XIRP2: variants seen among roughly 807,000 people sequenced by gnomAD.
XIRP2 encodes the protein xin actin binding repeat containing 2, also known as xin actin-binding repeat-containing protein 2.
XIRP2 carries 236 observed loss-of-function variants against 277.0 expected under a neutral mutation model. The observed-to-expected ratio is 0.85, with a 90% CI of 0.77 to 0.95. The LOEUF is 0.95. Ranked by LOEUF, XIRP2 falls within the 40% of genes least tolerant of loss-of-function variation. The pLI is 0.00. For missense variants in XIRP2, 4,640 were observed against 4,157.5 expected (o/e 1.12, Z -3.19); for synonymous variants, 1,490 against 1,416.5 (o/e 1.05, Z -1.17).
At chr2:166,890,974 C>T (rs1447771902) in intron 1 of XIRP2, among the ~76,000 whole-genome samples, 1 of 152,286 alleles carries the variant, frequency 6.6e-6, no homozygotes, top group African/African-American at 2.4e-5. Flanking sequence ...GTGCACTTCT[C>T]TCTTCCATGA....
chr2:167,112,573 TATTTA>T (rs1296404543), intron 2 of XIRP2, among the ~76,000 whole-genome samples: 2 of 120,868 alleles, frequency 1.7e-5, no homozygotes, highest in African/African-American at 8.8e-5. Flanking sequence ...TATAGAGATA[TATTTA>T]TATATAATAT....
At chr2:167,036,820 G>A (rs554600921) in intron 2 of XIRP2, among the ~76,000 whole-genome samples, 1 of 152,222 alleles carries the variant, frequency 6.6e-6, no homozygotes. Context: ...CCAGGGGTAG[G>A]TAATTGAATC....
intron 8 of XIRP2, 128 bp downstream of exon 8, chr2:167,242,038 A>G: frequency 8.2e-7 from 1 of 1,214,484 alleles, no homozygotes; most frequent in Non-Finnish European, 1.1e-6. Context: ...GCATTTATTC[A>G]GTTCTGTAAG....
chr2:166,930,833 G>GA (rs977868802), intron 2 of XIRP2, among the ~76,000 whole-genome samples: 16 of 152,036 alleles, frequency 1.1e-4, no homozygotes, highest in Non-Finnish European at 1.9e-4. Context: ...CATTCCCACT[G>GA]AAAAAAGACG....
intron 2 of XIRP2, among the ~76,000 whole-genome samples, chr2:167,030,945 C>T (rs775290201): frequency 1.3e-5 from 2 of 151,160 alleles, no homozygotes; most frequent in South Asian, 2.1e-4. Context: ...CATTACATAA[C>T]GGCCTTCTTT....
rs1384054397 is a variant in XIRP2, at chr2:167,251,253, T to G, written c.9861T>G (p.Thr3287=). 6.8e-6 allele frequency: 11 copies of G among 1,613,482 alleles called. No homozygotes were observed. The highest frequency in any genetic ancestry group is 8.5e-6 in the Non-Finnish European group (10 of 1,179,716). ...LNSTDHMVPD[T]ESYDAVEIIR... is the part of the protein sequence containing the mutation. ...CCACTGATCACATGGTGCCCGACAC[T>G]GAAAGTTATGATGCAGTTGAAATCA... is the stretch of plus-strand genomic sequence containing the variant. The change falls in exon 9 of 11, where the codon ACT becomes ACG. Residue 3287 remains threonine (T), a synonymous_variant. Coordinates refer to ENST00000409195, the MANE Select transcript of XIRP2 (RefSeq NM_152381.6).
chr2:167,193,006 G>C (rs1559014730), intron 3 of XIRP2, among the ~76,000 whole-genome samples: 1 of 152,148 alleles, frequency 6.6e-6, no homozygotes, highest in Non-Finnish European at 1.5e-5. Context: ...CCCGCTTTCA[G>C]TCACTGACTG....
At chr2:166,921,652 G>A (rs1160218041) in intron 2 of XIRP2, among the ~76,000 whole-genome samples, 1 of 152,052 alleles carries the variant, frequency 6.6e-6, no homozygotes, top group Non-Finnish European at 1.5e-5. Flanking sequence ...GCTAAGCATA[G>A]GGTATATAAT....
At chr2:167,137,620 T>C (rs751990857) in intron 3 of XIRP2, among the ~76,000 whole-genome samples, 4 of 152,204 alleles carry the variant, frequency 2.6e-5, no homozygotes, top group Non-Finnish European at 5.9e-5. Context: ...GGCCTTTTTA[T>C]GTTAAAAGCT....
intron 2 of XIRP2, among the ~76,000 whole-genome samples, chr2:167,065,799 A>G (rs1392678824): frequency 6.6e-6 from 1 of 151,444 alleles, no homozygotes; most frequent in Admixed American, 6.6e-5. Context: ...ATCAGCTTTT[A>G]TTTCTTCTTA....
intron 3 of XIRP2, among the ~76,000 whole-genome samples, chr2:167,201,617 A>C (rs1693724687): frequency 6.6e-6 from 1 of 152,176 alleles, no homozygotes; most frequent in African/African-American, 2.4e-5. Context: ...GACCAAAGCA[A>C]TATAGCTGAG....
rs1175549760 is a variant in XIRP2, at chr2:167,242,618, C to T, written c.1226C>T (p.Thr409Ile). 4 of 1,613,920 alleles carry T rather than the reference C, an allele frequency of 2.5e-6. No individual in the cohort carries two copies. The East Asian group carries it at 6.7e-5, about 27-fold the overall frequency. ...TTCAAGCCATCATCAGTTGTGAGTA[C>T]CTCTTCCACTTCTTGCGTTTCAACC... ...ETFKPSSVVS[T>I]SSTSCVSTSQ... The change falls in exon 9 of 11, where the codon ACC (threonine) becomes ATC (isoleucine). Residue 409 changes from threonine to isoleucine, a missense_variant. Transcript: ENST00000409195.
At chr2:167,007,695 TCTCTCTCTCACACACA>T (rs1277510503) in intron 2 of XIRP2, among the ~76,000 whole-genome samples, 4 of 118,638 alleles carry the variant, frequency 3.4e-5, no homozygotes, top group African/African-American at 1.4e-4. Flanking sequence ...TCTCTCTCTC[TCTCTCTCTCACACACA>T]CACACACACA....
At chr2:166,939,735 CAAAG>C (rs1237877961) in intron 2 of XIRP2, among the ~76,000 whole-genome samples, 3 of 115,280 alleles carry the variant, frequency 2.6e-5, no homozygotes, top group African/African-American at 1.0e-4. Context: ...AAAAAAAAAA[CAAAG>C]AAAATTCATT....
At chr2:167,240,857 G>A in intron 7 of XIRP2, 121 bp downstream of exon 7, 5 of 826,502 alleles carry the variant, frequency 6.0e-6, no homozygotes, top group African/African-American at 1.7e-5. Flanking sequence ...TATGACTCAT[G>A]GTTCCAGGGA....
In XIRP2 at chr2:167,247,487, G is replaced by A. The variant is rs111389244; in HGVS notation, c.6095G>A (p.Arg2032His). The A allele has an allele frequency of 4.1e-4, 666 of 1,613,592 alleles. 3 individuals are homozygous for A. Among genetic ancestry groups the A allele is most frequent in the South Asian group, 1.5e-3 (136 of 91,076 alleles). Residue 2032 changes from arginine to histidine, a missense_variant, in exon 9 of 11, where the codon CGT (arginine) becomes CAT (histidine). Coordinates refer to ENST00000409195, the MANE Select transcript of XIRP2 (RefSeq NM_152381.6). ...PKGTVKIVIDREQNNDALEKS... is the reference protein window; with the variant it reads ...PKGTVKIVIDHEQNNDALEKS... Reference sequence around the variant, plus strand: ...GGCACTGTAAAGATTGTCATAGATCGTGAACAAAACAATGATGCTCTGGAG... The same window carrying A: ...GGCACTGTAAAGATTGTCATAGATCATGAACAAAACAATGATGCTCTGGAG...
chr2:166,980,900 C>G (rs1686848861), intron 2 of XIRP2, among the ~76,000 whole-genome samples: 2 of 151,576 alleles, frequency 1.3e-5, no homozygotes, highest in Non-Finnish European at 2.9e-5. Context: ...GCTTTTTGGT[C>G]ATGCATTTTT....
chr2:167,039,696 C>G (rs779856517), intron 2 of XIRP2, among the ~76,000 whole-genome samples: 15 of 152,126 alleles, frequency 9.9e-5, no homozygotes, highest in Non-Finnish European at 1.5e-4. Context: ...AGGTCTTATA[C>G]AATGTCACAC....
At chr2:167,021,938 C>T (rs1687995248) in intron 2 of XIRP2, among the ~76,000 whole-genome samples, 1 of 151,992 alleles carries the variant, frequency 6.6e-6, no homozygotes, top group Non-Finnish European at 1.5e-5. Context: ...GATTTATTTT[C>T]TGTATTTCAC....
Sources: gnomAD v4.1 joint callset for allele counts (sites outside exome capture counted in the v4.1 genomes callset) on GRCh38, gnomAD v4.1.1 for gene constraint, MANE v1.5 for transcripts, NCBI Gene and HGNC (gene_info 2026-07-23, HGNC 2026-07-21) for gene names.